Variants in TK2 observed in about 807,000 individuals in gnomAD.
The protein encoded by TK2 is thymidine kinase 2, also known as thymidine kinase 2, mitochondrial.
A neutral mutation model predicts 41.9 loss-of-function variants in TK2; 35 were observed. The ratio of observed to expected loss-of-function variants is 0.84; its 90% CI spans 0.64 to 1.11. TK2 has a LOEUF of 1.11. Among genes scored for constraint, TK2 ranks in the 50% least tolerant of loss-of-function variants. The pLI is 0.00. For missense variants in TK2, 320 were observed against 351.1 expected (o/e 0.91, Z 0.71); for synonymous variants, 128 against 129.1 (o/e 0.99, Z 0.06).
chr16:66,510,273 G>C lies in TK2; in HGVS notation c.*1695C>G, dbSNP rs1037755119. On this transcript the variant is annotated 3_prime_UTR_variant, in exon 10 of 10. Coordinates refer to ENST00000544898, the MANE Select transcript of TK2 (RefSeq NM_004614.5). ...CCCCAAAAATGGATGTGCAAAATGA[G>C]CCGAGAGGAAATATTGGACTGTTCA... is the stretch of plus-strand genomic sequence containing the variant. 6.6e-6 allele frequency: 1 copy of C among 151,224 alleles called. No individual in the cohort carries two copies. The highest frequency in any genetic ancestry group is 1.5e-5 in the Non-Finnish European group (1 of 67,958). 9.4% of individuals were successfully genotyped at this position (151,224 alleles called of 1,614,324 possible). A position where few individuals can be genotyped will look rare whatever the true frequency, so the allele number is the denominator to read the frequency against.
Position 66,537,260 on chromosome 16 carries a change from T to C in TK2, c.232-243A>G, listed in dbSNP as rs941596235. On this transcript the variant is annotated intron_variant, in intron 3 of 9. Coordinates refer to ENST00000544898, the MANE Select transcript of TK2 (RefSeq NM_004614.5). ...GAATAACTCTATCCATGTTACCCAATGTGCCAAGCATAGGTACATCCTACC... is the reference window on the plus strand; with the variant it reads ...GAATAACTCTATCCATGTTACCCAACGTGCCAAGCATAGGTACATCCTACC... 5.3e-5 allele frequency among the ~76,000 whole-genome samples: 8 copies of C among 152,186 alleles called. No individual in the cohort carries two copies. The South Asian group carries it at 8.3e-4, about 16-fold the overall frequency.
intron 8 of TK2, among the ~76,000 whole-genome samples, chr16:66,515,652 C>T (rs1435180736): frequency 6.6e-6 from 1 of 152,256 alleles, no homozygotes; most frequent in Non-Finnish European, 1.5e-5. Context: ...AAGACAATGG[C>T]TTGGATCACG....
At chr16:66,533,916 G>A (rs1047976228) in intron 4 of TK2, among the ~76,000 whole-genome samples, 3 of 149,158 alleles carry the variant, frequency 2.0e-5, no homozygotes, top group Non-Finnish European at 4.4e-5. Flanking sequence ...GCTGAGGCAG[G>A]AGAATGGCGC....
At position 66,511,903 on chromosome 16, in the gene TK2, G is replaced by A; in HGVS notation, c.*65C>T. On this transcript the variant is annotated 3_prime_UTR_variant, in exon 10 of 10. Coordinates refer to ENST00000544898, the MANE Select transcript of TK2 (RefSeq NM_004614.5). The stretch of plus-strand genomic sequence containing the variant: ...TCCTGGGAGCAAGTTTTTCCAGATT[G>A]CTCCCAATAGCTAACTTGGCAGCAG... The A allele has an allele frequency of 6.8e-7, 1 of 1,470,098 alleles. No individual in the cohort carries two copies. The highest frequency in any genetic ancestry group is 1.1e-5 in the South Asian group (1 of 88,028). 91.1% of individuals were successfully genotyped at this position (1,470,098 alleles called of 1,614,324 possible).
Position 66,511,764 on chromosome 16 carries a change from C to A in TK2, c.*204G>T. ...AGGCTGCGAACAGCAAAGGGCTTGG[C>A]AAACCCATTGGTCCCGTTTGTCATT... On this transcript the variant is annotated 3_prime_UTR_variant, in exon 10 of 10. Coordinates refer to ENST00000544898, the MANE Select transcript of TK2 (RefSeq NM_004614.5). 1.6e-6 allele frequency: 1 copy of A among 632,394 alleles called. No individual in the cohort carries two copies. 39.2% of individuals were successfully genotyped at this position (632,394 alleles called of 1,614,324 possible).
At chr16:66,545,956 C>A (rs1965595148) in intron 2 of TK2, among the ~76,000 whole-genome samples, 1 of 152,102 alleles carries the variant, frequency 6.6e-6, no homozygotes, top group South Asian at 2.1e-4. Flanking sequence ...TTAGTGGTCA[C>A]CTGGGGCCAG....
chr16:66,536,603 T>C (rs1009320867), intron 4 of TK2, among the ~76,000 whole-genome samples: 3 of 152,042 alleles, frequency 2.0e-5, no homozygotes, highest in Admixed American at 6.5e-5. Context: ...TACTTAGAGA[T>C]AGGTCCTGGG....
intron 3 of TK2, among the ~76,000 whole-genome samples, chr16:66,540,736 C>G (rs1234349827): frequency 6.6e-6 from 1 of 152,160 alleles, no homozygotes; most frequent in South Asian, 2.1e-4. Flanking sequence ...TAGTAATACC[C>G]ACTGCTCAGA....
chr16:66,542,762 C>T, intron 2 of TK2, among the ~76,000 whole-genome samples: 1 of 152,222 alleles, frequency 6.6e-6, no homozygotes, highest in East Asian at 1.9e-4. Flanking sequence ...CAGCGGTTCT[C>T]AGCTCTGGCT....
At chr16:66,548,165 A>C (rs917757086) in intron 2 of TK2, 2 of 383,466 alleles carry the variant, frequency 5.2e-6, no homozygotes, top group South Asian at 3.7e-5. Context: ...CCTTCTCCTA[A>C]TTTCAACAAA....
intron 6 of TK2, chr16:66,518,224 A>C (rs775288769): frequency 1.8e-5 from 6 of 334,030 alleles, no homozygotes; most frequent in East Asian, 7.6e-5. Flanking sequence ...AACCAATTTC[A>C]CTTCTAGAAA....
intron 6 of TK2, among the ~76,000 whole-genome samples, chr16:66,527,514 C>T (rs1302228077): frequency 6.6e-6 from 1 of 152,136 alleles, no homozygotes; most frequent in Non-Finnish European, 1.5e-5. Flanking sequence ...CAGGTATCAA[C>T]GAGGAGCCTG....
chr16:66,526,680 A>G (rs1964942310), intron 6 of TK2, among the ~76,000 whole-genome samples: 1 of 152,212 alleles, frequency 6.6e-6, no homozygotes, highest in Non-Finnish European at 1.5e-5. Flanking sequence ...TGAGCCCAGG[A>G]CATCGAGGCC....
At chr16:66,544,351 T>C in intron 2 of TK2, among the ~76,000 whole-genome samples, 1 of 151,996 alleles carries the variant, frequency 6.6e-6, no homozygotes, top group East Asian at 1.9e-4. Context: ...ATACAGAAAA[T>C]CAAAAAGGAG....
intron 6 of TK2, among the ~76,000 whole-genome samples, chr16:66,523,946 C>A (rs1270817614): frequency 6.6e-6 from 1 of 152,254 alleles, no homozygotes; most frequent in Non-Finnish European, 1.5e-5. Context: ...AGTGGCCAAG[C>A]TCTAGTCTTC....
chr16:66,532,814 CAG>C (rs779799193), intron 4 of TK2, among the ~76,000 whole-genome samples: 1 of 151,778 alleles, frequency 6.6e-6, no homozygotes, highest in Non-Finnish European at 1.5e-5. Flanking sequence ...AAGCAATTTA[CAG>C]ATTCAATGTA....
At chr16:66,527,432 C>T (rs575971380) in intron 6 of TK2, among the ~76,000 whole-genome samples, 2 of 152,212 alleles carry the variant, frequency 1.3e-5, no homozygotes, top group South Asian at 4.1e-4. Context: ...CAGTGGGGGA[C>T]CAGAGCCTGG....
intron 1 of TK2, chr16:66,549,316 G>A (rs751970149): frequency 1.7e-6 from 2 of 1,189,998 alleles, no homozygotes; most frequent in Non-Finnish European, 2.1e-6. Context: ...CAAGTGGAAA[G>A]GCAGAACAGC....
At chr16:66,549,224 G>A (rs1469008158) in intron 1 of TK2, 2 of 1,425,506 alleles carry the variant, frequency 1.4e-6, no homozygotes, top group Non-Finnish European at 1.8e-6. Context: ...GACCCCCAGT[G>A]TGCTCGAGTT....
Sources: gnomAD v4.1 joint callset for allele counts (sites outside exome capture counted in the v4.1 genomes callset) on GRCh38, gnomAD v4.1.1 for gene constraint, MANE v1.5 for transcripts, NCBI Gene and HGNC (gene_info 2026-07-23, HGNC 2026-07-21) for gene names.